The following CSMD1 variants were observed in gnomAD, a reference collection of about 807,000 sequenced individuals.
CSMD1 encodes CUB and sushi domain-containing protein 1.
A neutral mutation model predicts 417.5 loss-of-function variants in CSMD1; 213 were observed. The ratio of observed to expected loss-of-function variants is 0.51; its 90% CI spans 0.46 to 0.57. The LOEUF (loss-of-function observed/expected upper bound fraction) is 0.57, where lower values mean the gene tolerates loss of function less well. CSMD1 is among the 20% of genes least tolerant of loss of function. The pLI, the probability that CSMD1 is intolerant of heterozygous loss-of-function variation, is 0.00. For synonymous variants in CSMD1, 2,862 were observed against 1,736.8 expected, an observed-to-expected ratio of 1.65 and a Z score of -16.11; for missense variants, 6,923 against 4,529.7, an observed-to-expected ratio of 1.53 and a Z score of -15.17.
chr8:3,637,758 A>C (rs920207147), intron 7 of CSMD1, among the ~76,000 whole-genome samples: 2 of 152,134 alleles, frequency 1.3e-5, no homozygotes, highest in Non-Finnish European at 2.9e-5. Context: ...TCTCATCTTG[A>C]ATTGTAGCTC....
chr8:3,694,399 C>G (rs1347824349), intron 7 of CSMD1, among the ~76,000 whole-genome samples: 2 of 152,164 alleles, frequency 1.3e-5, no homozygotes, highest in Non-Finnish European at 1.5e-5. Context: ...ATCAACAGCT[C>G]TGCCTGCTGC....
intron 1 of CSMD1, among the ~76,000 whole-genome samples, chr8:4,834,244 T>C (rs563499967): frequency 1.3e-5 from 2 of 152,250 alleles, no homozygotes; most frequent in African/African-American, 4.8e-5. Context: ...AAGAAAAATA[T>C]GTTTAGAAGG....
intron 1 of CSMD1, among the ~76,000 whole-genome samples, chr8:4,894,343 G>T (rs1332550510): frequency 1.3e-5 from 2 of 151,388 alleles, no homozygotes; most frequent in East Asian, 3.9e-4. Context: ...CTAATTCACT[G>T]CTTGTAGATT....
At chr8:4,884,028 A>G (rs1803572326) in intron 1 of CSMD1, among the ~76,000 whole-genome samples, 1 of 152,028 alleles carries the variant, frequency 6.6e-6, no homozygotes, top group African/African-American at 2.4e-5. Context: ...TAGCCTTCGT[A>G]GTGAATGTCA....
intron 1 of CSMD1, among the ~76,000 whole-genome samples, chr8:4,819,940 A>C (rs1241689820): frequency 6.6e-6 from 1 of 152,166 alleles, no homozygotes; most frequent in Non-Finnish European, 1.5e-5. Context: ...TAATTTTTGA[A>C]ATATCTACTT....
At chr8:3,243,495 G>C (rs1333888704) in intron 26 of CSMD1, among the ~76,000 whole-genome samples, 1 of 151,158 alleles carries the variant, frequency 6.6e-6, no homozygotes, top group Non-Finnish European at 1.5e-5. Flanking sequence ...GGCAGGTGTG[G>C]AGGGGGTCAC....
intron 23 of CSMD1, among the ~76,000 whole-genome samples, chr8:3,335,173 A>G (rs1807174361): frequency 6.6e-6 from 1 of 151,934 alleles, no homozygotes; most frequent in African/African-American, 2.4e-5. Context: ...CCTCCCTCTC[A>G]TGTCACTTGT....
intron 7 of CSMD1, among the ~76,000 whole-genome samples, chr8:3,620,363 A>T (rs1802364023): frequency 6.6e-6 from 1 of 151,960 alleles, no homozygotes; most frequent in Non-Finnish European, 1.5e-5. Context: ...GTACAGGTAA[A>T]TACATGAAAA....
intron 4 of CSMD1, among the ~76,000 whole-genome samples, chr8:4,027,751 A>T (rs893266045): frequency 2.6e-5 from 4 of 152,210 alleles, no homozygotes; most frequent in Non-Finnish European, 5.9e-5. Flanking sequence ...CTGTTTGAGA[A>T]GGGAAATAAA....
intron 5 of CSMD1, among the ~76,000 whole-genome samples, chr8:3,828,868 C>T (rs565961497): frequency 6.2e-4 from 95 of 152,170 alleles, no homozygotes; most frequent in Non-Finnish European, 1.0e-3. Flanking sequence ...TCTCTAGCCC[C>T]GTCTCACATC....
At chr8:4,947,976 T>C (rs1230891590) in intron 1 of CSMD1, among the ~76,000 whole-genome samples, 5 of 152,048 alleles carry the variant, frequency 3.3e-5, no homozygotes, top group Non-Finnish European at 5.9e-5. Context: ...AAGATATCCA[T>C]AAAAAAATCT....
chr8:3,774,380 G>A (rs914416268), intron 5 of CSMD1, among the ~76,000 whole-genome samples: 2 of 152,014 alleles, frequency 1.3e-5, no homozygotes, highest in Non-Finnish European at 2.9e-5. Flanking sequence ...CATCTCCCCG[G>A]GATGCAAAAC....
intron 3 of CSMD1, among the ~76,000 whole-genome samples, chr8:4,416,274 C>T (rs1371485758): frequency 6.6e-6 from 1 of 152,034 alleles, no homozygotes; most frequent in Admixed American, 6.6e-5. Context: ...GCTACTGGAT[C>T]ATAAAGAATA....
At chr8:4,433,849 T>G (rs1483688912) in intron 2 of CSMD1, among the ~76,000 whole-genome samples, 1 of 152,114 alleles carries the variant, frequency 6.6e-6, no homozygotes, top group Non-Finnish European at 1.5e-5. Flanking sequence ...GAAAAAAGAC[T>G]GGAATCTAAA....
intron 3 of CSMD1, among the ~76,000 whole-genome samples, chr8:4,228,151 C>T (rs886287773): frequency 2.6e-5 from 4 of 152,184 alleles, no homozygotes; most frequent in Admixed American, 1.3e-4. Flanking sequence ...GCATTAAATG[C>T]CACAGAAGGA....
intron 3 of CSMD1, among the ~76,000 whole-genome samples, chr8:4,182,266 T>G (rs1269256770): frequency 6.6e-6 from 1 of 152,124 alleles, no homozygotes; most frequent in Non-Finnish European, 1.5e-5. Context: ...AGATTATCGT[T>G]TGCATGATTT....
intron 10 of CSMD1, among the ~76,000 whole-genome samples, chr8:3,497,499 G>A (rs1005389950): frequency 1.3e-5 from 2 of 152,048 alleles, no homozygotes; most frequent in African/African-American, 4.8e-5. Flanking sequence ...CTGTCTCCTG[G>A]GTTTAAGCAA....
intron 12 of CSMD1, among the ~76,000 whole-genome samples, chr8:3,459,306 C>T (rs1338196476): frequency 6.6e-6 from 1 of 152,142 alleles, no homozygotes; most frequent in Non-Finnish European, 1.5e-5. Flanking sequence ...CCGGTGTGTC[C>T]CTCACCCTGC....
intron 5 of CSMD1, among the ~76,000 whole-genome samples, chr8:3,844,078 G>C (rs1277113053): frequency 1.3e-5 from 2 of 152,016 alleles, no homozygotes; most frequent in South Asian, 2.1e-4. Flanking sequence ...CTCTCAACAA[G>C]GCCATCTAAA....
Sources: allele counts gnomAD v4.1 joint callset (sites outside exome capture counted in the v4.1 genomes callset), GRCh38; gene constraint gnomAD v4.1.1; transcripts MANE v1.5; gene names NCBI Gene and HGNC (gene_info 2026-07-23, HGNC 2026-07-21).